The following SLC15A5 variants were observed in gnomAD, a reference collection of about 807,000 sequenced individuals.
SLC15A5 encodes the protein Peptide/histidine transporter ENSP00000340402.
SLC15A5 carries 58 observed loss-of-function variants against 56.1 expected under a neutral mutation model. That is an observed-to-expected ratio of 1.03 (90% CI 0.84 to 1.29). The LOEUF is 1.29. Among genes scored for constraint, SLC15A5 ranks in the 50% most tolerant of loss-of-function variants. The probability of loss-of-function intolerance (pLI) is 0.00; values close to 1 mark genes in which losing one functional copy is unlikely to be tolerated. For missense variants in SLC15A5, 681 were observed against 672.1 expected (o/e 1.01, Z -0.15); for synonymous variants, 264 against 250.5 (o/e 1.05, Z -0.51).
chr12:16,208,561 G>A (rs1329282105), intron 7 of SLC15A5, among the ~76,000 whole-genome samples: 1 of 152,106 alleles, frequency 6.6e-6, no homozygotes, highest in African/African-American at 2.4e-5. Flanking sequence ...GTCCTACTCC[G>A]GAGACTGAGG....
intron 7 of SLC15A5, among the ~76,000 whole-genome samples, chr12:16,213,775 C>T (rs1864104968): frequency 6.6e-6 from 1 of 151,968 alleles, no homozygotes. Context: ...TAGAAAGTGC[C>T]CCACCCCACA....
chr12:16,249,571 A>C (rs1429512753), intron 3 of SLC15A5, among the ~76,000 whole-genome samples: 1 of 152,100 alleles, frequency 6.6e-6, no homozygotes, highest in African/African-American at 2.4e-5. Flanking sequence ...GTTAACATCC[A>C]AAAATAGGTT....
chr12:16,274,588 T>C (rs1172071579), intron 1 of SLC15A5, among the ~76,000 whole-genome samples: 1 of 152,108 alleles, frequency 6.6e-6, no homozygotes, highest in Non-Finnish European at 1.5e-5. Flanking sequence ...TCATTTACCA[T>C]GAGGTGAGCC....
At chr12:16,264,632 C>G (rs534162752) in intron 2 of SLC15A5, among the ~76,000 whole-genome samples, 1 of 152,114 alleles carries the variant, frequency 6.6e-6, no homozygotes, top group Non-Finnish European at 1.5e-5. Flanking sequence ...TCTTGTAGCT[C>G]CCATATTTTC....
intron 3 of SLC15A5, among the ~76,000 whole-genome samples, chr12:16,254,838 GGCT>G (rs1565671655): frequency 6.6e-6 from 1 of 152,266 alleles, no homozygotes; most frequent in East Asian, 1.9e-4. Flanking sequence ...GGATATTAGA[GGCT>G]GGGAAGCATA....
chr12:16,230,842 G>A (rs1320790203), intron 5 of SLC15A5, among the ~76,000 whole-genome samples: 1 of 150,310 alleles, frequency 6.7e-6, no homozygotes, highest in Admixed American at 6.6e-5. Flanking sequence ...AGAATGGCGT[G>A]AACCCAGAAG....
chr12:16,247,494 G>T (rs867198745), intron 3 of SLC15A5, among the ~76,000 whole-genome samples: 2 of 152,126 alleles, frequency 1.3e-5, no homozygotes, highest in African/African-American at 4.8e-5. Flanking sequence ...GACCCTAAAA[G>T]CAGGAAAATA....
chr12:16,268,552 T>C (rs1178320627), intron 2 of SLC15A5, among the ~76,000 whole-genome samples: 2 of 152,252 alleles, frequency 1.3e-5, no homozygotes, highest in African/African-American at 2.4e-5. Flanking sequence ...ATGTACCTTA[T>C]AAATTATGAT....
intron 2 of SLC15A5, among the ~76,000 whole-genome samples, chr12:16,265,583 A>G (rs1301939370): frequency 6.6e-6 from 1 of 152,112 alleles, no homozygotes; most frequent in African/African-American, 2.4e-5. Flanking sequence ...GGCTCAAGTG[A>G]TCCTCTTGCC....
chr12:16,273,852 A>G (rs1239668457), intron 1 of SLC15A5, among the ~76,000 whole-genome samples: 3 of 150,710 alleles, frequency 2.0e-5, no homozygotes, highest in Admixed American at 1.3e-4. Flanking sequence ...CAAAAGGCCC[A>G]TAATCTCATT....
rs189398352 is a variant in SLC15A5 at position 16,190,239 on chromosome 12, C to T, written c.1593-424G>A. Among the ~76,000 whole-genome samples the T allele has an allele frequency of 3.9e-5, 6 of 152,276 alleles. No individual in the cohort carries two copies. In the East Asian group the frequency reaches 1.2e-3, roughly 29 times the overall value. The stretch of plus-strand genomic sequence containing the variant: ...TGAATATATTTCTAGAATGTGCACT[C>T]TCCATCCCCAACCTCCAGAAAAACC... On this transcript the variant is annotated intron_variant, in intron 8 of 8. Transcript: ENST00000344941.
chr12:16,216,950 C>CA lies in SLC15A5; in HGVS notation c.1425dup (p.Gly476TrpfsTer59), dbSNP rs1864135315. ...AGTGCCCCTGTGAAACAGCCAAATC[C>CA]ATTGAACAGTGTCAGAAAATTCATG... On this transcript the variant is annotated frameshift_variant, in exon 7 of 9. Transcript: ENST00000344941. LOFTEE classifies it high-confidence loss of function. 3 of 1,536,904 alleles carry CA rather than the reference C, an allele frequency of 2.0e-6. No homozygotes were observed. The East Asian group carries it at 7.3e-5, about 38-fold the overall frequency.
chr12:16,223,496 C>T (rs1013493289), intron 6 of SLC15A5, among the ~76,000 whole-genome samples: 6 of 152,034 alleles, frequency 3.9e-5, no homozygotes, highest in African/African-American at 1.4e-4. Flanking sequence ...TGTAAAGTGG[C>T]TAGTTTAATT....
intron 6 of SLC15A5, among the ~76,000 whole-genome samples, chr12:16,222,602 C>G (rs1050691011): frequency 1.3e-5 from 2 of 152,144 alleles, no homozygotes; most frequent in African/African-American, 4.8e-5. Flanking sequence ...GGTCCATTAT[C>G]CCAATAGCAG....
At chr12:16,251,361 A>G (rs1012912785) in intron 3 of SLC15A5, among the ~76,000 whole-genome samples, 1 of 151,872 alleles carries the variant, frequency 6.6e-6, no homozygotes, top group Non-Finnish European at 1.5e-5. Context: ...AACAAAATAG[A>G]GAATGGAAAA....
Position 16,189,517 on chromosome 12 carries a change from A to G in SLC15A5, c.*151T>C, listed in dbSNP as rs373356829. On this transcript the variant is annotated 3_prime_UTR_variant, in exon 9 of 9. Coordinates refer to ENST00000344941, the MANE Select transcript of SLC15A5 (RefSeq NM_001170798.1). The stretch of plus-strand genomic sequence containing the variant: ...AGCATGACAGTTTACTAGAAAATTC[A>G]TAATTAGTCTTTGTAAATAAAGTAT... The G allele has an allele frequency of 1.8e-5, 10 of 561,830 alleles. No homozygotes were observed. The highest frequency in any genetic ancestry group is 1.3e-4 in the Admixed American group (3 of 23,636). The allele number at this position is 561,830 out of a possible 1,614,324, so 34.8% of individuals were successfully genotyped here. A position where few individuals can be genotyped will look rare whatever the true frequency, so the allele number is the denominator to read the frequency against.
chr12:16,215,413 G>T (rs1010779083), intron 7 of SLC15A5, among the ~76,000 whole-genome samples: 2 of 152,094 alleles, frequency 1.3e-5, no homozygotes, highest in Admixed American at 1.3e-4. Flanking sequence ...TTTTGTTTTA[G>T]TAAATTTTTG....
At chr12:16,232,931 A>AAG (rs561044359) in intron 5 of SLC15A5, among the ~76,000 whole-genome samples, 2 of 150,548 alleles carry the variant, frequency 1.3e-5, no homozygotes, top group South Asian at 2.1e-4. Context: ...GAAAAAAAGA[A>AAG]AGAGAGAGAG....
chr12:16,271,540 T>C lies in SLC15A5; in HGVS notation c.584+1021A>G, dbSNP rs1442149739. Among the ~76,000 whole-genome samples the C allele has an allele frequency of 6.6e-6, 1 of 151,866 alleles. No individual in the cohort carries two copies. The highest frequency in any genetic ancestry group is 1.9e-4 in the East Asian group (1 of 5,168). On this transcript the variant is annotated intron_variant, in intron 2 of 8. Coordinates refer to ENST00000344941, the MANE Select transcript of SLC15A5 (RefSeq NM_001170798.1). This position sits in a 1 kb window ranked among gnomAD's most constrained non-coding sequence, Gnocchi z 8.0. ...TAATCCAAAATAGGGCTGAGTGCTT[T>C]GTAATATTAATATAATTGGAGAAAG... is the stretch of plus-strand genomic sequence containing the variant.
Sources: allele counts gnomAD v4.1 joint callset (sites outside exome capture counted in the v4.1 genomes callset), GRCh38; gene constraint gnomAD v4.1.1; non-coding constraint Gnocchi (gnomAD v3.1); transcripts MANE v1.5; gene names NCBI Gene and HGNC (gene_info 2026-07-23, HGNC 2026-07-21).